Variants in CNTNAP2 observed in about 807,000 individuals in gnomAD.
The protein encoded by CNTNAP2 is contactin-associated protein-like 2.
In CNTNAP2, 98 loss-of-function variants were observed where a neutral mutation model predicts 155.2. That is an observed-to-expected ratio of 0.63 (90% CI 0.54 to 0.75). CNTNAP2 has a LOEUF of 0.75. CNTNAP2 is among the 30% of genes least tolerant of loss of function. The pLI, the probability that CNTNAP2 is intolerant of heterozygous loss-of-function variation, is 0.00. For synonymous variants in CNTNAP2, 651 were observed against 631.2 expected, an observed-to-expected ratio of 1.03 and a Z score of -0.47; for missense variants, 1,727 against 1,688.1, an observed-to-expected ratio of 1.02 and a Z score of -0.40.
intron 1 of CNTNAP2, among the ~76,000 whole-genome samples, chr7:146,596,859 G>A (rs2129150645): frequency 6.6e-6 from 1 of 152,082 alleles, no homozygotes; most frequent in East Asian, 1.9e-4. Context: ...GACATTGTGA[G>A]GGTTAAATGG....
intron 16 of CNTNAP2, among the ~76,000 whole-genome samples, chr7:148,142,093 CTGTGTG>C (rs71527881): frequency 1.2e-3 from 166 of 136,410 alleles, no homozygotes; most frequent in Middle Eastern, 3.8e-3. Flanking sequence ...AGATATGTCT[CTGTGTG>C]TGTGTGTGTG....
intron 3 of CNTNAP2, among the ~76,000 whole-genome samples, chr7:146,897,348 C>A (rs969211842): frequency 6.6e-6 from 1 of 152,098 alleles, no homozygotes; most frequent in Non-Finnish European, 1.5e-5. Context: ...TGGAGGCCAG[C>A]ATATTCTGGT....
chr7:146,348,697 T>A (rs1020758218), intron 1 of CNTNAP2, among the ~76,000 whole-genome samples: 2 of 150,964 alleles, frequency 1.3e-5, no homozygotes, highest in Admixed American at 6.6e-5. Context: ...TGTATTAATA[T>A]CATCTGCTTT....
intron 13 of CNTNAP2, among the ~76,000 whole-genome samples, chr7:147,733,451 C>T (rs938594048): frequency 5.3e-5 from 8 of 152,134 alleles, no homozygotes; most frequent in African/African-American, 1.9e-4. Context: ...AGTCAGGTAG[C>T]ATGATGCCTC....
intron 2 of CNTNAP2, among the ~76,000 whole-genome samples, chr7:146,776,558 C>T (rs1435562177): frequency 1.3e-5 from 2 of 152,094 alleles, no homozygotes; most frequent in Admixed American, 1.3e-4. Flanking sequence ...ATGTTATAGG[C>T]ACAGAAATGT....
chr7:147,148,909 G>T (rs1294816070), intron 8 of CNTNAP2, among the ~76,000 whole-genome samples: 1 of 152,234 alleles, frequency 6.6e-6, no homozygotes, highest in Non-Finnish European at 1.5e-5. Flanking sequence ...TGAAGCCGCA[G>T]ACCCTTGTGG....
intron 22 of CNTNAP2, among the ~76,000 whole-genome samples, chr7:148,386,061 C>T (rs1010608272): frequency 6.6e-6 from 1 of 152,150 alleles, no homozygotes. Context: ...ATATAGGGAA[C>T]ATATCTGTAT....
At chr7:148,226,818 C>G (rs1291796970) in intron 19 of CNTNAP2, among the ~76,000 whole-genome samples, 1 of 152,246 alleles carries the variant, frequency 6.6e-6, no homozygotes, top group Non-Finnish European at 1.5e-5. Flanking sequence ...AAGGGCCAAA[C>G]AGGGCACTTG....
At chr7:147,176,699 TATTATATATAATA>T (rs1563103804) in intron 8 of CNTNAP2, among the ~76,000 whole-genome samples, 44 of 56,892 alleles carry the variant, frequency 7.7e-4, no homozygotes, top group African/African-American at 1.9e-3. Context: ...TAGAATTATA[TATTATATATAATA>T]GAATTATATA....
rs918186173 is a variant in CNTNAP2 at position 147,103,572 on chromosome 7, A to G, written c.551-4575A>G. 2.6e-5 allele frequency among the ~76,000 whole-genome samples: 4 copies of G among 151,970 alleles called. No individual in the cohort carries two copies. In the South Asian group the frequency reaches 8.3e-4, roughly 31 times the overall value. ...TAATATACATTTTTACTATTTTTTTAGATTCATATGCTTTATATGTATTTG... is the reference window on the plus strand; with the variant it reads ...TAATATACATTTTTACTATTTTTTTGGATTCATATGCTTTATATGTATTTG... On this transcript the variant is annotated intron_variant, in intron 4 of 23. Transcript: ENST00000361727.
intron 13 of CNTNAP2, among the ~76,000 whole-genome samples, chr7:147,899,291 G>C (rs1799824284): frequency 6.6e-6 from 1 of 152,188 alleles, no homozygotes; most frequent in African/African-American, 2.4e-5. Context: ...AGTGAGTTAT[G>C]ATTGCTCCAC....
At chr7:146,137,247 A>C (rs1797810705) in intron 1 of CNTNAP2, among the ~76,000 whole-genome samples, 1 of 152,178 alleles carries the variant, frequency 6.6e-6, no homozygotes, top group African/African-American at 2.4e-5. Context: ...CTAACAAGTA[A>C]ATCATAAAGT....
intron 13 of CNTNAP2, among the ~76,000 whole-genome samples, chr7:147,665,953 G>A (rs1795686805): frequency 6.6e-6 from 1 of 152,084 alleles, no homozygotes; most frequent in Non-Finnish European, 1.5e-5. Flanking sequence ...GAATATTAGA[G>A]TTCTCATTAC....
chr7:146,911,133 A>T (rs1054752052), intron 3 of CNTNAP2, among the ~76,000 whole-genome samples: 1 of 152,034 alleles, frequency 6.6e-6, no homozygotes, highest in African/African-American at 2.4e-5. Flanking sequence ...TTAGAATGGC[A>T]ATCATTAAAA....
At chr7:147,895,323 A>C (rs770563695) in intron 13 of CNTNAP2, among the ~76,000 whole-genome samples, 3 of 151,806 alleles carry the variant, frequency 2.0e-5, no homozygotes, top group Non-Finnish European at 2.9e-5. Context: ...TTTCTAGCCT[A>C]TTTTCTTTCT....
intron 10 of CNTNAP2, among the ~76,000 whole-genome samples, chr7:147,456,927 A>G (rs1490994748): frequency 6.6e-6 from 1 of 152,200 alleles, no homozygotes. Context: ...AAGTGTAGAA[A>G]CACCAGTAAA....
At chr7:148,164,500 C>T (rs1363406387) in intron 17 of CNTNAP2, among the ~76,000 whole-genome samples, 3 of 151,444 alleles carry the variant, frequency 2.0e-5, no homozygotes, top group East Asian at 2.0e-4. Context: ...ATTCCAGTGG[C>T]GGGCTCAAGA....
chr7:148,365,636 G>T (rs564529483), intron 21 of CNTNAP2, among the ~76,000 whole-genome samples: 2 of 152,048 alleles, frequency 1.3e-5, no homozygotes, highest in East Asian at 3.9e-4. Flanking sequence ...TTGTACTCCA[G>T]CCTGGGCAAA....
At chr7:146,637,631 T>A (rs2129160268) in intron 1 of CNTNAP2, among the ~76,000 whole-genome samples, 1 of 152,304 alleles carries the variant, frequency 6.6e-6, no homozygotes, top group African/African-American at 2.4e-5. Context: ...TGATCCTTTC[T>A]AATGTGTATT....
Sources: allele counts gnomAD v4.1 joint callset (sites outside exome capture counted in the v4.1 genomes callset), GRCh38; gene constraint gnomAD v4.1.1; transcripts MANE v1.5; gene names NCBI Gene and HGNC (gene_info 2026-07-23, HGNC 2026-07-21).